Variants in FYB1 observed in about 807,000 individuals in gnomAD.
FYB1 encodes the protein FYN-binding protein 1.
A neutral mutation model predicts 94.1 loss-of-function variants in FYB1; 41 were observed. The ratio of observed to expected loss-of-function variants is 0.44; its 90% CI spans 0.34 to 0.57. FYB1 has a LOEUF of 0.57. Among genes scored for constraint, FYB1 ranks in the 20% least tolerant of loss-of-function variants. The pLI is 0.02. For missense variants in FYB1, 1,050 were observed against 976.8 expected, an observed-to-expected ratio of 1.07 and a Z score of -1.00; for synonymous variants, 367 against 353.2, an observed-to-expected ratio of 1.04 and a Z score of -0.44.
At chr5:39,179,823 A>T (rs1237637402) in intron 2 of FYB1, among the ~76,000 whole-genome samples, 1 of 151,994 alleles carries the variant, frequency 6.6e-6, no homozygotes, top group Non-Finnish European at 1.5e-5. Flanking sequence ...TGCACATGCA[A>T]GTCTATTCAC....
At chr5:39,206,935 G>A (rs1466582831) in intron 1 of FYB1, among the ~76,000 whole-genome samples, 3 of 152,130 alleles carry the variant, frequency 2.0e-5, no homozygotes, top group African/African-American at 7.2e-5. Flanking sequence ...GTGGATATAT[G>A]ATCAGCAACC....
intron 1 of FYB1, among the ~76,000 whole-genome samples, chr5:39,235,307 C>T (rs887994906): frequency 6.6e-6 from 1 of 151,162 alleles, no homozygotes; most frequent in Admixed American, 6.6e-5. Flanking sequence ...AGTGCAGGAT[C>T]TTAAAAATGT....
chr5:39,239,792 C>T (rs1751125044), intron 1 of FYB1, among the ~76,000 whole-genome samples: 2 of 152,146 alleles, frequency 1.3e-5, no homozygotes, highest in South Asian at 4.1e-4. Context: ...ATATGGTTTA[C>T]AGAATTAAGA....
chr5:39,228,225 G>A (rs903438342), intron 1 of FYB1, among the ~76,000 whole-genome samples: 1 of 152,180 alleles, frequency 6.6e-6, no homozygotes, highest in Non-Finnish European at 1.5e-5. Flanking sequence ...GTGAAATCAT[G>A]ATAGAGACTG....
At chr5:39,253,586 G>A (rs1393910948) in intron 1 of FYB1, among the ~76,000 whole-genome samples, 1 of 152,204 alleles carries the variant, frequency 6.6e-6, no homozygotes, top group African/African-American at 2.4e-5. Flanking sequence ...GTATAGGATT[G>A]TTACACAGGT....
At chr5:39,208,538 T>C (rs140125266) in intron 1 of FYB1, among the ~76,000 whole-genome samples, 4 of 152,266 alleles carry the variant, frequency 2.6e-5, no homozygotes, top group Non-Finnish European at 4.4e-5. Flanking sequence ...TGGTTCTTCT[T>C]ATGGAACAAA....
intron 1 of FYB1, among the ~76,000 whole-genome samples, chr5:39,242,247 G>A (rs1031032626): frequency 1.3e-5 from 2 of 151,702 alleles, no homozygotes; most frequent in East Asian, 1.9e-4. Flanking sequence ...CTATTAACTT[G>A]TCATTTACAT....
At chr5:39,215,980 G>A (rs1749831247) in intron 1 of FYB1, among the ~76,000 whole-genome samples, 1 of 152,088 alleles carries the variant, frequency 6.6e-6, no homozygotes, top group Non-Finnish European at 1.5e-5. Context: ...AGAGGAGAGG[G>A]CCATTTTACA....
At chr5:39,188,982 C>A (rs914575482) in intron 2 of FYB1, among the ~76,000 whole-genome samples, 15 of 152,124 alleles carry the variant, frequency 9.9e-5, no homozygotes, top group South Asian at 2.1e-4. Flanking sequence ...AGTTTAAGAA[C>A]CTTTGAAAGA....
chr5:39,130,357 G>A (rs1344952560), intron 10 of FYB1, among the ~76,000 whole-genome samples: 1 of 151,956 alleles, frequency 6.6e-6, no homozygotes, highest in Non-Finnish European at 1.5e-5. Flanking sequence ...AGTAGAGTAG[G>A]GTGACTATAA....
rs536324762 is a variant in FYB1, at chr5:39,183,159, T to G, written c.1135+18667A>C. Among the ~76,000 whole-genome samples the G allele has an allele frequency of 5.3e-5, 8 of 152,190 alleles. No homozygotes were observed. In the South Asian group the frequency reaches 1.7e-3, roughly 32 times the overall value. On this transcript the variant is annotated intron_variant, in intron 2 of 18. Coordinates refer to ENST00000512982, the MANE Select transcript of FYB1 (RefSeq NM_001465.6). ...TGCCTCAGCCTCCCGAGTAGTTTTA[T>G]ATTTTTAATAGAGACGGGGTTTCTC...
intron 1 of FYB1, among the ~76,000 whole-genome samples, chr5:39,257,544 TAAC>T (rs1751991572): frequency 6.6e-6 from 1 of 152,100 alleles, no homozygotes; most frequent in Admixed American, 6.6e-5. Context: ...AAAATAAACT[TAAC>T]AAGTAGGTAT....
intron 1 of FYB1, among the ~76,000 whole-genome samples, chr5:39,216,421 T>C (rs1411673832): frequency 6.6e-6 from 1 of 152,164 alleles, no homozygotes; most frequent in African/African-American, 2.4e-5. Flanking sequence ...TATTTTAAGT[T>C]CTTTCTGGGA....
At chr5:39,113,105 G>A (rs961099065) in intron 16 of FYB1, among the ~76,000 whole-genome samples, 1 of 152,048 alleles carries the variant, frequency 6.6e-6, no homozygotes, top group African/African-American at 2.4e-5. Context: ...TATTAAAAGC[G>A]TGATTCGTGA....
At chr5:39,207,084 G>A (rs1165971803) in intron 1 of FYB1, among the ~76,000 whole-genome samples, 2 of 151,976 alleles carry the variant, frequency 1.3e-5, no homozygotes, top group East Asian at 1.9e-4. Flanking sequence ...ATCAAGATTG[G>A]GCTTCTACTT....
chr5:39,124,874 C>A (rs1046055673), intron 12 of FYB1, among the ~76,000 whole-genome samples: 3 of 151,140 alleles, frequency 2.0e-5, no homozygotes, highest in Non-Finnish European at 4.4e-5. Flanking sequence ...CAGAAGAAGA[C>A]CCATGCTTCT....
At position 39,232,523 on chromosome 5, in the gene FYB1, T is replaced by A. The variant is rs1988487; in HGVS notation, c.-27-29536A>T. On this transcript the variant is annotated intron_variant, in intron 1 of 1. Coordinates refer to the FYB1 transcript ENST00000510188. ...TGTGACATTTTAGCATAAACATTTATTTTATTTATTTATTTATTTATTTAT... is the reference window on the plus strand; with the variant it reads ...TGTGACATTTTAGCATAAACATTTAATTTATTTATTTATTTATTTATTTAT... Among the ~76,000 whole-genome samples the A allele has an allele frequency of 8.2e-3, 1,241 of 150,858 alleles. 20 individuals are homozygous for A. The highest frequency in any genetic ancestry group is 0.027 in the African/African-American group (1,094 of 40,582).
chr5:39,132,822 A>G (rs1225278117), intron 9 of FYB1, among the ~76,000 whole-genome samples: 1 of 152,216 alleles, frequency 6.6e-6, no homozygotes, highest in Non-Finnish European at 1.5e-5. Flanking sequence ...CACACAAAGT[A>G]TATACATTGG....
At chr5:39,129,465 A>T (rs1357888931) in intron 10 of FYB1, among the ~76,000 whole-genome samples, 2 of 152,086 alleles carry the variant, frequency 1.3e-5, no homozygotes, top group African/African-American at 4.8e-5. Context: ...AAATGGGATT[A>T]TATTAAACTA....
Sources: gnomAD v4.1 joint callset for allele counts (sites outside exome capture counted in the v4.1 genomes callset) on GRCh38, gnomAD v4.1.1 for gene constraint, MANE v1.5 for transcripts, NCBI Gene and HGNC (gene_info 2026-07-23, HGNC 2026-07-21) for gene names.